The following LAMA1 variants were observed in gnomAD, a reference collection of about 807,000 sequenced individuals.
The protein encoded by LAMA1 is laminin subunit alpha-1.
LAMA1 carries 219 observed loss-of-function variants against 348.7 expected under a neutral mutation model. The ratio of observed to expected loss-of-function variants is 0.63; its 90% CI spans 0.56 to 0.70. The LOEUF (loss-of-function observed/expected upper bound fraction) is 0.70. Ranked by LOEUF, LAMA1 falls within the 30% of genes least tolerant of loss-of-function variation. The pLI, the probability that LAMA1 is intolerant of heterozygous loss-of-function variation, is 0.00. For missense variants in LAMA1, 3,744 were observed against 3,888.0 expected, an observed-to-expected ratio of 0.96 and a Z score of 0.99; for synonymous variants, 1,487 against 1,491.0, an observed-to-expected ratio of 1.00 and a Z score of 0.06.
intron 1 of LAMA1, among the ~76,000 whole-genome samples, chr18:7,090,224 T>C (rs1568063761): frequency 6.6e-6 from 1 of 152,238 alleles, no homozygotes. Context: ...TCATTTTGTG[T>C]CTCAAAGACC....
intron 57 of LAMA1, among the ~76,000 whole-genome samples, chr18:6,952,455 G>A (rs370630989): frequency 3.3e-5 from 5 of 152,244 alleles, no homozygotes; most frequent in African/African-American, 1.2e-4. Context: ...ATGTGTGTGC[G>A]GGGGAATGTG....
chr18:6,973,131 G>A lies in LAMA1; in HGVS notation c.6700C>T (p.Pro2234Ser). ...ACATCCAGAACATTAGCTGTCCCAGGGGATTTACTTGTTTTTGTTGGTGAC... is the reference window on the plus strand; with the variant it reads ...ACATCCAGAACATTAGCTGTCCCAGAGGATTTACTTGTTTTTGTTGGTGAC... ...QKSPTKTSKS[P>S]GTANVLDVNN... The change falls in exon 47 of 63, where the codon CCT becomes TCT. Residue 2234 changes from proline (P) to serine (S), a missense_variant. Pro to Ser is a moderately conservative substitution (Grantham distance 74, BLOSUM62 -1). Coordinates refer to ENST00000389658, the MANE Select transcript of LAMA1 (RefSeq NM_005559.4). 3 of 1,613,980 alleles carry A rather than the reference G, an allele frequency of 1.9e-6. No individual in the cohort carries two copies. Among genetic ancestry groups the A allele is most frequent in the Non-Finnish European group, 2.5e-6 (3 of 1,179,868 alleles).
chr18:7,109,810 AT>A (rs911755600), intron 1 of LAMA1, among the ~76,000 whole-genome samples: 15 of 152,166 alleles, frequency 9.9e-5, no homozygotes, highest in African/African-American at 3.4e-4. Context: ...CGAAGGCGGT[AT>A]TTTGGCGGGG....
chr18:6,942,896 TCC>T (rs2057505707), intron 62 of LAMA1, among the ~76,000 whole-genome samples: 1 of 152,130 alleles, frequency 6.6e-6, no homozygotes, highest in South Asian at 2.1e-4. Flanking sequence ...CTAAAATGAC[TCC>T]CAAGTCTGAC....
chr18:7,078,622 T>C (rs1598308898), intron 3 of LAMA1, among the ~76,000 whole-genome samples: 1 of 152,340 alleles, frequency 6.6e-6, no homozygotes, highest in African/African-American at 2.4e-5. Flanking sequence ...CTTGCTACCT[T>C]ATTTGCTGTA....
At position 6,999,491 on chromosome 18, in the gene LAMA1, G is replaced by A. The variant is rs1349469016; in HGVS notation, c.4617C>T (p.Cys1539=). 7.4e-6 allele frequency: 12 copies of A among 1,613,908 alleles called. No individual in the cohort carries two copies. Among genetic ancestry groups the A allele is most frequent in the African/African-American group, 4.0e-5 (3 of 74,888 alleles). ...GAATGTGCCTCGGTTCACACTCATC[G>A]CACCGGAGCCCCGAGGCCCCCAGCC... ...VCRLGASGLR[C]DECEPRHILM... is the part of the protein sequence containing the mutation. The change falls in exon 32 of 63, where the codon TGC becomes TGT. Residue 1539 remains cysteine (C), a synonymous_variant. Coordinates refer to ENST00000389658, the MANE Select transcript of LAMA1 (RefSeq NM_005559.4).
At chr18:6,964,246 T>G in intron 51 of LAMA1, 2 of 281,708 alleles carry the variant, frequency 7.1e-6, no homozygotes, top group Admixed American at 9.3e-5. Context: ...ATGTTACAGG[T>G]TGAACCGTGT....
At chr18:6,950,398 C>G (rs1323536648) in intron 58 of LAMA1, among the ~76,000 whole-genome samples, 1 of 152,240 alleles carries the variant, frequency 6.6e-6, no homozygotes, top group Non-Finnish European at 1.5e-5. Context: ...AACAACCCAG[C>G]TGGCCGATTA....
At chr18:6,961,457 T>C in intron 53 of LAMA1, 129 bp downstream of exon 53, 1 of 1,066,546 alleles carries the variant, frequency 9.4e-7, no homozygotes, top group Non-Finnish European at 1.4e-6. Flanking sequence ...TTTTACTTAT[T>C]GAAAATGCAC....
At chr18:6,999,366 T>C in intron 32 of LAMA1, 79 bp downstream of exon 32, 3 of 1,384,476 alleles carry the variant, frequency 2.2e-6, no homozygotes, top group Non-Finnish European at 3.1e-6. Flanking sequence ...GCAGACACTT[T>C]AGCGTGCCGT....
At position 6,999,602 on chromosome 18, in the gene LAMA1, T is replaced by A. The variant is rs2144091422; in HGVS notation, c.4506A>T (p.Pro1502=). The A allele has an allele frequency of 6.2e-7, 1 of 1,613,642 alleles. No individual in the cohort carries two copies. Among genetic ancestry groups the A allele is most frequent in the Non-Finnish European group, 8.5e-7 (1 of 1,179,858 alleles). The change falls in exon 32 of 63, where the codon CCA becomes CCT. Residue 1502 remains proline, a synonymous_variant. Coordinates refer to ENST00000389658, the MANE Select transcript of LAMA1 (RefSeq NM_005559.4). ...AGTCACACTTCTGGCAACTGCCACC[T>A]GGTGTTTGAGGGTTCCCATAATAGC... The part of the protein sequence containing the change: ...SSSYYGNPQT[P]GGSCQKCDCN...
intron 7 of LAMA1, among the ~76,000 whole-genome samples, chr18:7,043,628 T>C (rs1303088731): frequency 2.6e-5 from 4 of 152,152 alleles, no homozygotes; most frequent in African/African-American, 9.7e-5. Context: ...AACCATCTCC[T>C]GGGATTATAT....
chr18:6,957,184 G>A (rs534033749), intron 55 of LAMA1: 19 of 301,174 alleles, frequency 6.3e-5, no homozygotes, highest in African/African-American at 3.9e-4. Context: ...TGTGGGCTAC[G>A]CTTGTCACAT....
In LAMA1 at chr18:6,966,280, G is replaced by C; in HGVS notation, c.6917C>G (p.Pro2306Arg). Reference sequence around the variant, plus strand: ...CCCACTCCCGTCAAAATGGAAGGAAGGGTCTTCATTCTGGGAGCTGCAAAG... The same window carrying C: ...CCCACTCCCGTCAAAATGGAAGGAACGGTCTTCATTCTGGGAGCTGCAAAG... ...GCFGSSQNED[P>R]SFHFDGSGYS... The change falls in exon 49 of 63, where the codon CCT becomes CGT. Residue 2306 changes from proline to arginine, a missense_variant. Around this residue, in one of 3 missense-constraint regions of LAMA1, gnomAD observed 1,983 missense variants for 1,934.3 expected, o/e 1.03. Coordinates refer to ENST00000389658, the MANE Select transcript of LAMA1 (RefSeq NM_005559.4). 1 of 1,613,806 alleles carries C rather than the reference G, an allele frequency of 6.2e-7. No individual in the cohort carries two copies. Among genetic ancestry groups the C allele is most frequent in the East Asian group, 2.2e-5 (1 of 44,870 alleles).
At position 7,055,909 on chromosome 18, in the gene LAMA1, G is replaced by A. The variant is rs575353633; in HGVS notation, c.346-4973C>T. ...ATCCTGGCTAACACAGTGAAACCCCGTCTCCACTAAAATACAAAAAATTAG... is the reference window on the plus strand; with the variant it reads ...ATCCTGGCTAACACAGTGAAACCCCATCTCCACTAAAATACAAAAAATTAG... On this transcript the variant is annotated intron_variant, in intron 3 of 62. Transcript: ENST00000389658. Among the ~76,000 whole-genome samples the A allele has an allele frequency of 2.2e-4, 33 of 151,252 alleles. 1 individual carries two copies. In the South Asian group the frequency reaches 6.1e-3, roughly 28 times the overall value.
chr18:7,000,040 T>G, intron 30 of LAMA1, 43 bp from the exon 31 acceptor site: 1 of 1,401,494 alleles, frequency 7.1e-7, no homozygotes. Context: ...GATATACAAT[T>G]TCCATCTTTC....
intron 29 of LAMA1, among the ~76,000 whole-genome samples, chr18:7,003,543 C>A (rs2057818175): frequency 1.3e-5 from 2 of 152,266 alleles, no homozygotes; most frequent in South Asian, 4.1e-4. Context: ...CAGGCGTGAG[C>A]CACCGTGCCC....
chr18:7,076,234 G>A (rs2058167831), intron 3 of LAMA1, among the ~76,000 whole-genome samples: 1 of 152,118 alleles, frequency 6.6e-6, no homozygotes, highest in Admixed American at 6.5e-5. Context: ...TGAGATCTAA[G>A]AAACAATGGG....
rs866882624 is a variant in LAMA1, at chr18:6,971,887, C to T, written c.6869G>A (p.Arg2290Lys). ...GAAGCACCCACGGCACTTGCCTTCCCTTTCAATATAGTTCCATAGGCCTAT... is the reference window on the plus strand; with the variant it reads ...GAAGCACCCACGGCACTTGCCTTCCTTTTCAATATAGTTCCATAGGCCTAT... ...KSIGLWNYIEREGKCRGCFGS... is the reference protein window; with the variant it reads ...KSIGLWNYIEKEGKCRGCFGS... The change falls in exon 48 of 63, where the codon AGG (arginine) becomes AAG (lysine). Residue 2290 changes from arginine (R) to lysine (K), a missense_variant. Around this residue, in one of 3 missense-constraint regions of LAMA1, gnomAD observed 1,983 missense variants for 1,934.3 expected, o/e 1.03. Transcript: ENST00000389658. 6.2e-7 allele frequency: 1 copy of T among 1,614,096 alleles called. No individual in the cohort carries two copies. The highest frequency in any genetic ancestry group is 8.5e-7 in the Non-Finnish European group (1 of 1,180,018).
Sources: gnomAD v4.1 joint callset for allele counts (sites outside exome capture counted in the v4.1 genomes callset) on GRCh38, gnomAD v4.1.1 for gene constraint, gnomAD v4.1.1 regional missense constraint, MANE v1.5 for transcripts, NCBI Gene and HGNC (gene_info 2026-07-23, HGNC 2026-07-21) for gene names.